DUSP3: variants seen among roughly 807,000 people sequenced by gnomAD.
DUSP3 encodes dual specificity protein phosphatase 3.
DUSP3 carries 7 observed loss-of-function variants against 15.5 expected under a neutral mutation model. That is an observed-to-expected ratio of 0.45 (90% CI 0.26 to 0.85). The LOEUF is 0.85. DUSP3 is among the 40% of genes least tolerant of loss of function. The pLI, the probability that DUSP3 is intolerant of heterozygous loss-of-function variation, is 0.18. For missense variants in DUSP3, 209 were observed against 251.7 expected, an observed-to-expected ratio of 0.83 and a Z score of 1.15; for synonymous variants, 86 against 104.2, an observed-to-expected ratio of 0.83 and a Z score of 1.07.
chr17:43,771,869 G>A (rs1265304914), intron 2 of DUSP3, among the ~76,000 whole-genome samples: 5 of 152,144 alleles, frequency 3.3e-5, no homozygotes, highest in Admixed American at 2.0e-4. Flanking sequence ...AATTAGCTGG[G>A]CATGGTGGCA....
intron 2 of DUSP3, chr17:43,774,251 G>A (rs1598301670): frequency 3.6e-6 from 1 of 278,534 alleles, no homozygotes; most frequent in East Asian, 1.2e-4. Context: ...CATGACGGGA[G>A]CACCCAACAC....
At chr17:43,777,067 T>C (rs182343938) in intron 1 of DUSP3, among the ~76,000 whole-genome samples, 72 of 152,146 alleles carry the variant, frequency 4.7e-4, no homozygotes, top group Admixed American at 4.5e-3. Context: ...CCACCTCCCG[T>C]GTTCAAACGA....
chr17:43,769,826 A>G lies in DUSP3; in HGVS notation c.353-12T>C. 5 of 1,613,882 alleles carry G rather than the reference A, an allele frequency of 3.1e-6. No homozygotes were observed. The highest frequency in any genetic ancestry group is 4.2e-6 in the Non-Finnish European group (5 of 1,179,916). ...GACGAGCACCCGGCCTGTAAGAAAC[A>G]GGGGAGACGTGGTGAGCTGGGGGCG... On this transcript the variant is annotated splice_polypyrimidine_tract_variant and intron_variant, in intron 2 of 2. Coordinates refer to ENST00000226004, the MANE Select transcript of DUSP3 (RefSeq NM_004090.4).
intron 2 of DUSP3, among the ~76,000 whole-genome samples, chr17:43,772,102 T>C (rs983614416): frequency 5.3e-5 from 8 of 152,292 alleles, no homozygotes; most frequent in Admixed American, 5.2e-4. Flanking sequence ...CAATAAATAT[T>C]TGCTGACTAG....
intron 2 of DUSP3, among the ~76,000 whole-genome samples, chr17:43,773,074 G>A (rs1227634233): frequency 1.3e-5 from 2 of 152,218 alleles, no homozygotes; most frequent in African/African-American, 4.8e-5. Flanking sequence ...AGGTGAGCAG[G>A]GTTGGGGGGT....
At chr17:43,770,068 G>A (rs963142040) in intron 2 of DUSP3, among the ~76,000 whole-genome samples, 13 of 152,082 alleles carry the variant, frequency 8.5e-5, no homozygotes, top group African/African-American at 2.4e-4. Flanking sequence ...GCGGCACGGC[G>A]GTATCTCCTC....
chr17:43,766,411 C>T lies in DUSP3; in HGVS notation c.*3198G>A, dbSNP rs896469842. The T allele has an allele frequency of 6.6e-6, 1 of 152,216 alleles. No individual in the cohort carries two copies. The highest frequency in any genetic ancestry group is 2.4e-5 in the African/African-American group (1 of 41,446). 9.4% of individuals were successfully genotyped at this position (152,216 alleles called of 1,614,324 possible). A position where few individuals can be genotyped will look rare whatever the true frequency, so the allele number is the denominator to read the frequency against. ...TACTTGCAAGGACTATCACGGTTAG[C>T]CCTTCAGTGATTCCTGACACCAGTT... On this transcript the variant is annotated 3_prime_UTR_variant, in exon 3 of 3. Transcript: ENST00000226004.
In DUSP3 at chr17:43,769,712, C is replaced by T. The variant is rs1974287766; in HGVS notation, c.455G>A (p.Ser152Asn). 1 of 1,613,940 alleles carries T rather than the reference C, an allele frequency of 6.2e-7. No homozygotes were observed. Among genetic ancestry groups the T allele is most frequent in the Non-Finnish European group, 8.5e-7 (1 of 1,179,946 alleles). The change falls in exon 3 of 3, where the codon AGC becomes AAC. Residue 152 changes from serine (S) to asparagine (N), a missense_variant. By Grantham distance (46) the Ser-to-Asn change is conservative. Transcript: ENST00000226004. ...GATCTCACGGTTCTGCCTCACGATG[C>T]TCAGGGCAGACTTGACGTCCATCTT... ...RQKMDVKSAL[S>N]IVRQNREIGP...
chr17:43,770,093 C>T (rs1387863511), intron 2 of DUSP3, among the ~76,000 whole-genome samples: 3 of 152,128 alleles, frequency 2.0e-5, no homozygotes, highest in Non-Finnish European at 4.4e-5. Flanking sequence ...TGAACACGTG[C>T]ATCCCCTCTG....
intron 2 of DUSP3, among the ~76,000 whole-genome samples, chr17:43,774,284 G>C (rs1283976132): frequency 1.3e-5 from 2 of 152,074 alleles, no homozygotes; most frequent in Admixed American, 1.3e-4. Flanking sequence ...AGAGAGAAAG[G>C]GAAAGGGCCT....
chr17:43,777,475 G>C, intron 1 of DUSP3: 1 of 455,750 alleles, frequency 2.2e-6, no homozygotes. Context: ...CATTTCCGTG[G>C]CAGTCCTTGG....
At chr17:43,773,820 C>G (rs1352188338) in intron 2 of DUSP3, among the ~76,000 whole-genome samples, 1 of 151,930 alleles carries the variant, frequency 6.6e-6, no homozygotes, top group Non-Finnish European at 1.5e-5. Context: ...GAGAGAGTGG[C>G]CAGGCGCGGT....
At chr17:43,771,105 A>C (rs939026812) in intron 2 of DUSP3, among the ~76,000 whole-genome samples, 5 of 151,910 alleles carry the variant, frequency 3.3e-5, no homozygotes, top group Non-Finnish European at 5.9e-5. Flanking sequence ...TCCTGCCGAT[A>C]CCCAAATCCA....
At chr17:43,777,715 C>A (rs2154590726) in intron 1 of DUSP3, 1 of 362,844 alleles carries the variant, frequency 2.8e-6, no homozygotes. Context: ...TGAGGCTTTC[C>A]AAGGCTGTAC....
At chr17:43,777,878 G>A (rs916047568) in intron 1 of DUSP3, 2 of 176,216 alleles carry the variant, frequency 1.1e-5, no homozygotes, top group South Asian at 2.1e-4. Flanking sequence ...GGTGGCTCAC[G>A]CCTGTAATCC....
chr17:43,773,338 G>T (rs918203823), intron 2 of DUSP3, among the ~76,000 whole-genome samples: 16 of 152,192 alleles, frequency 1.1e-4, no homozygotes, highest in African/African-American at 3.9e-4. Flanking sequence ...GTAAAGGGAG[G>T]AGCTGAGAGA....
At chr17:43,778,369 T>C (rs1974416126) in intron 1 of DUSP3, 1 of 154,568 alleles carries the variant, frequency 6.5e-6, no homozygotes, top group African/African-American at 2.4e-5. Context: ...GTCGGCCCGT[T>C]GCCATGGCGG....
rs756546192 is a variant in DUSP3, at chr17:43,771,018, GTGTA to G, written c.353-1208_353-1205del. Reference sequence around the variant, plus strand: ...TGTGTGTGTGTGTGTGTGTGTGTGTGTGTATGTGTGTGTATATATATATATATAA... The same window carrying G: ...TGTGTGTGTGTGTGTGTGTGTGTGTGTGTGTGTGTATATATATATATATAA... On this transcript the variant is annotated intron_variant, in intron 2 of 2. Coordinates refer to ENST00000226004, the MANE Select transcript of DUSP3 (RefSeq NM_004090.4). Among the ~76,000 whole-genome samples the G allele has an allele frequency of 1.6e-4, 21 of 132,876 alleles. 1 individual carries two copies. The highest frequency in any genetic ancestry group is 1.2e-3 in the South Asian group (5 of 4,078). 87.2% of individuals were successfully genotyped at this position (132,876 alleles called of 152,430 possible). A position where few individuals can be genotyped will look rare whatever the true frequency, so the allele number is the denominator to read the frequency against.
At chr17:43,771,721 A>G (rs1974322715) in intron 2 of DUSP3, among the ~76,000 whole-genome samples, 1 of 151,524 alleles carries the variant, frequency 6.6e-6, no homozygotes, top group Admixed American at 6.5e-5. Context: ...TTTAAGAGCA[A>G]GAAATGGCCG....
Sources: gnomAD v4.1 joint callset for allele counts (sites outside exome capture counted in the v4.1 genomes callset) on GRCh38, gnomAD v4.1.1 for gene constraint, MANE v1.5 for transcripts, NCBI Gene and HGNC (gene_info 2026-07-23, HGNC 2026-07-21) for gene names.